CNTN5: variants seen among roughly 807,000 people sequenced by gnomAD.
The protein encoded by CNTN5 is contactin-5.
A neutral mutation model predicts 129.1 loss-of-function variants in CNTN5; 77 were observed. That is an observed-to-expected ratio of 0.60 (90% CI 0.50 to 0.72). The LOEUF is 0.72. Ranked by LOEUF, CNTN5 falls within the 30% of genes least tolerant of loss-of-function variation. CNTN5 has a pLI of 0.00. For missense variants in CNTN5, 1,478 were observed against 1,328.8 expected, an observed-to-expected ratio of 1.11 and a Z score of -1.75; for synonymous variants, 509 against 465.6, an observed-to-expected ratio of 1.09 and a Z score of -1.20.
intron 7 of CNTN5, among the ~76,000 whole-genome samples, chr11:99,923,897 C>G (rs1203591019): frequency 6.6e-6 from 1 of 152,100 alleles, no homozygotes; most frequent in Non-Finnish European, 1.5e-5. Context: ...AAGCGATTCC[C>G]CTGCCTCAGC....
intron 2 of CNTN5, among the ~76,000 whole-genome samples, chr11:99,433,387 G>GTGTGTGTGTGTCTT (rs1943476208): frequency 2.0e-5 from 1 of 50,824 alleles, no homozygotes; most frequent in African/African-American, 6.7e-5. Flanking sequence ...GTGTGTGTGT[G>GTGTGTGTGTGTCTT]TGTGTGTGTG....
At chr11:99,476,097 T>G (rs1945360927) in intron 2 of CNTN5, among the ~76,000 whole-genome samples, 2 of 151,978 alleles carry the variant, frequency 1.3e-5, no homozygotes, top group South Asian at 4.1e-4. Flanking sequence ...AAAGAAAGGA[T>G]GGAATTGAGT....
At chr11:99,623,829 T>C (rs2135774765) in intron 3 of CNTN5, among the ~76,000 whole-genome samples, 1 of 152,148 alleles carries the variant, frequency 6.6e-6, no homozygotes, top group East Asian at 1.9e-4. Flanking sequence ...TATAAATTGA[T>C]ATTGGGGTGC....
At chr11:99,527,569 T>G (rs968242652) in intron 2 of CNTN5, among the ~76,000 whole-genome samples, 1 of 152,162 alleles carries the variant, frequency 6.6e-6, no homozygotes, top group African/African-American at 2.4e-5. Context: ...TTCTCCCTTT[T>G]TCTGCATTTC....
chr11:100,104,918 A>G (rs2138080617), intron 13 of CNTN5, among the ~76,000 whole-genome samples: 1 of 152,156 alleles, frequency 6.6e-6, no homozygotes, highest in Admixed American at 6.5e-5. Context: ...TGCACCTAGA[A>G]TCTTCATGTT....
At chr11:100,181,156 T>G (rs1324205620) in intron 13 of CNTN5, among the ~76,000 whole-genome samples, 1 of 152,036 alleles carries the variant, frequency 6.6e-6, no homozygotes, top group African/African-American at 2.4e-5. Context: ...CCTGCCCAGA[T>G]GTTGTTCAAT....
At chr11:99,842,546 A>G (rs1479039803) in intron 4 of CNTN5, among the ~76,000 whole-genome samples, 8 of 152,206 alleles carry the variant, frequency 5.3e-5, no homozygotes, top group African/African-American at 1.7e-4. Flanking sequence ...TTGAACTTAC[A>G]TGTGTCCAAC....
chr11:99,471,359 G>A (rs897866911), intron 2 of CNTN5, among the ~76,000 whole-genome samples: 2 of 152,000 alleles, frequency 1.3e-5, no homozygotes, highest in African/African-American at 4.8e-5. Context: ...AATGAAGTCA[G>A]TTTTTACTCT....
At chr11:100,129,827 T>TTG (rs1052560398) in intron 13 of CNTN5, among the ~76,000 whole-genome samples, 9 of 149,282 alleles carry the variant, frequency 6.0e-5, no homozygotes, top group South Asian at 2.1e-4. Context: ...TCATATATAT[T>TTG]TGTGTGTGTG....
intron 21 of CNTN5, chr11:100,309,431 A>G (rs1297783400): frequency 1.0e-6 from 1 of 968,128 alleles, no homozygotes; most frequent in Non-Finnish European, 1.2e-6. Flanking sequence ...AAATTTATAC[A>G]ATCTTTCTAA....
chr11:100,051,639 A>G (rs1477559889), intron 9 of CNTN5, among the ~76,000 whole-genome samples: 2 of 151,942 alleles, frequency 1.3e-5, no homozygotes, highest in East Asian at 1.9e-4. Context: ...AGTTAAATTA[A>G]AAATGGACAG....
At chr11:99,338,925 T>TATATATATATATATATCTGTG (rs1555114982) in intron 2 of CNTN5, among the ~76,000 whole-genome samples, 1 of 97,582 alleles carries the variant, frequency 1.0e-5, no homozygotes, top group Non-Finnish European at 2.2e-5. Flanking sequence ...CACAGATATA[T>TATATATATATATATATCTGTG]ATATATATAT....
At chr11:99,894,063 G>A (rs1949134456) in intron 6 of CNTN5, among the ~76,000 whole-genome samples, 2 of 151,928 alleles carry the variant, frequency 1.3e-5, no homozygotes, top group African/African-American at 4.8e-5. Flanking sequence ...CTTTTATTAA[G>A]CAAGATGAAA....
chr11:99,970,590 A>G (rs896531225), intron 8 of CNTN5, among the ~76,000 whole-genome samples: 6 of 152,190 alleles, frequency 3.9e-5, no homozygotes, highest in African/African-American at 1.4e-4. Flanking sequence ...AGTGCCTGTT[A>G]TTTAACAAAC....
At chr11:99,596,477 AT>A (rs2135684864) in intron 3 of CNTN5, among the ~76,000 whole-genome samples, 1 of 152,296 alleles carries the variant, frequency 6.6e-6, no homozygotes, top group Admixed American at 6.5e-5. Flanking sequence ...TTCAATCAGC[AT>A]TTTGTAAACA....
chr11:99,774,105 T>C (rs1747249682), intron 3 of CNTN5, among the ~76,000 whole-genome samples: 1 of 152,044 alleles, frequency 6.6e-6, no homozygotes. Flanking sequence ...TTCCTTGACA[T>C]TTTTTCCAAG....
chr11:99,594,856 T>C (rs74368254), intron 3 of CNTN5, among the ~76,000 whole-genome samples: 6,004 of 152,310 alleles, frequency 0.039, 151 homozygotes, highest in South Asian at 0.086. Context: ...ACTTTCTAGT[T>C]GATTTTTGAT....
chr11:100,076,794 A>G (rs1001301566), intron 13 of CNTN5, among the ~76,000 whole-genome samples: 2 of 152,112 alleles, frequency 1.3e-5, no homozygotes, highest in African/African-American at 4.8e-5. Context: ...AAGCCCAGAC[A>G]TATATTGCAT....
chr11:99,068,770 T>C (rs945866103), intron 1 of CNTN5, among the ~76,000 whole-genome samples: 1 of 152,198 alleles, frequency 6.6e-6, no homozygotes, highest in Non-Finnish European at 1.5e-5. Flanking sequence ...CAAAATAAAC[T>C]AGTTCACAAT....
Sources: gnomAD v4.1 joint callset for allele counts (sites outside exome capture counted in the v4.1 genomes callset) on GRCh38, gnomAD v4.1.1 for gene constraint, MANE v1.5 for transcripts, NCBI Gene and HGNC (gene_info 2026-07-23, HGNC 2026-07-21) for gene names.